Variants in SUGCT observed in about 807,000 individuals in gnomAD.
SUGCT encodes succinyl-CoA:glutarate CoA-transferase.
SUGCT carries 41 observed loss-of-function variants against 55.0 expected under a neutral mutation model. That is an observed-to-expected ratio of 0.74 (90% CI 0.58 to 0.97). The LOEUF (loss-of-function observed/expected upper bound fraction) is 0.97. Ranked by LOEUF, SUGCT falls within the 50% of genes least tolerant of loss-of-function variation. The pLI, the probability that SUGCT is intolerant of heterozygous loss-of-function variation, is 0.00. For synonymous variants in SUGCT, 187 were observed against 200.4 expected (o/e 0.93, Z 0.56); for missense variants, 568 against 547.8 (o/e 1.04, Z -0.37).
At chr7:40,609,808 A>G (rs1183409517) in intron 12 of SUGCT, among the ~76,000 whole-genome samples, 1 of 152,180 alleles carries the variant, frequency 6.6e-6, no homozygotes, top group African/African-American at 2.4e-5. Flanking sequence ...TGAGTTCTTG[A>G]TAAGTCGACA....
intron 1 of SUGCT, among the ~76,000 whole-genome samples, chr7:40,142,652 C>T (rs1303013128): frequency 2.6e-5 from 4 of 152,156 alleles, no homozygotes; most frequent in Admixed American, 2.6e-4. Context: ...AGTCATTTAC[C>T]CCTGAGTTGT....
At chr7:41,002,857 C>A in the SUGCT span, among the ~76,000 whole-genome samples, 1 of 152,032 alleles carries the variant, frequency 6.6e-6, no homozygotes, top group African/African-American at 2.4e-5. Flanking sequence ...GTTGCAGATC[C>A]TGGCAATTAG....
intron 9 of SUGCT, among the ~76,000 whole-genome samples, chr7:40,363,350 G>T (rs1309775611): frequency 2.6e-5 from 4 of 152,008 alleles, no homozygotes; most frequent in African/African-American, 9.7e-5. Context: ...CTTGCCTTCT[G>T]CTAGCTTTTG....
At chr7:41,019,386 G>A in the SUGCT span, among the ~76,000 whole-genome samples, 1 of 152,262 alleles carries the variant, frequency 6.6e-6, no homozygotes, top group East Asian at 1.9e-4. Flanking sequence ...TGGCTCTCCT[G>A]ACCCTGATCC....
In SUGCT at chr7:40,188,551, T is replaced by C. The variant is rs1194329186; in HGVS notation, c.283T>C (p.Tyr95His). ...GPPFVGTEST[Y>H]YLSVNRNKKS... is the part of the protein sequence containing the mutation. Reference sequence around the variant, plus strand: ...ACCTTTTGTTGGGACAGAAAGTACATATTATCTCAGTGTTAACCGAAATAA... The same window carrying C: ...ACCTTTTGTTGGGACAGAAAGTACACATTATCTCAGTGTTAACCGAAATAA... Residue 95 changes from tyrosine to histidine, a missense_variant, in exon 4 of 14, where the codon TAT becomes CAT. Tyr to His is a moderately conservative substitution (Grantham distance 83, BLOSUM62 2). Coordinates refer to ENST00000335693, the MANE Select transcript of SUGCT (RefSeq NM_001193313.2). 5.6e-6 allele frequency: 9 copies of C among 1,607,376 alleles called. No homozygotes were observed. Among genetic ancestry groups the C allele is most frequent in the Non-Finnish European group, 7.6e-6 (9 of 1,177,722 alleles).
chr7:40,630,009 C>T (rs1005768993), intron 12 of SUGCT, among the ~76,000 whole-genome samples: 2 of 152,160 alleles, frequency 1.3e-5, no homozygotes, highest in African/African-American at 4.8e-5. Context: ...TTGGGGATTA[C>T]CAGCCTGTAT....
At chr7:40,385,430 A>G (rs545547835) in intron 9 of SUGCT, among the ~76,000 whole-genome samples, 1 of 152,290 alleles carries the variant, frequency 6.6e-6, no homozygotes, top group East Asian at 1.9e-4. Context: ...GAGTACTTTA[A>G]GTATAGTGCC....
chr7:40,261,478 T>C (rs1791218173), intron 7 of SUGCT, among the ~76,000 whole-genome samples: 1 of 152,182 alleles, frequency 6.6e-6, no homozygotes, highest in African/African-American at 2.4e-5. Context: ...CTAACATGTA[T>C]CCCAACATAT....
chr7:40,970,245 C>T, the SUGCT span, among the ~76,000 whole-genome samples: 1 of 152,116 alleles, frequency 6.6e-6, no homozygotes, highest in South Asian at 2.1e-4. Flanking sequence ...GATGTCAACT[C>T]ACTGCAATCT....
At chr7:40,149,795 T>G (rs1330530770) in intron 1 of SUGCT, among the ~76,000 whole-genome samples, 2 of 152,164 alleles carry the variant, frequency 1.3e-5, no homozygotes, top group African/African-American at 4.8e-5. Context: ...GGCAGGCGCC[T>G]GTAATCCCAG....
intron 8 of SUGCT, among the ~76,000 whole-genome samples, chr7:40,299,757 A>G (rs1453929617): frequency 6.6e-6 from 1 of 152,154 alleles, no homozygotes; most frequent in Non-Finnish European, 1.5e-5. Flanking sequence ...CAATTTTGCT[A>G]TTTTATAGTC....
chr7:40,226,787 A>G (rs1264524564), intron 6 of SUGCT, among the ~76,000 whole-genome samples: 5 of 152,012 alleles, frequency 3.3e-5, no homozygotes, highest in Admixed American at 6.6e-5. Context: ...TTTTAGACAT[A>G]CAAAATGAAA....
In SUGCT at chr7:40,444,951, C is replaced by T. The variant is rs140000176; in HGVS notation, c.817-4336C>T. ...AGCATGAAGCGCTGTTGAATTTTGTCGAAAGCCTTTTCTGCATCTATGGAG... is the reference window on the plus strand; with the variant it reads ...AGCATGAAGCGCTGTTGAATTTTGTTGAAAGCCTTTTCTGCATCTATGGAG... On this transcript the variant is annotated intron_variant, in intron 9 of 13. Coordinates refer to ENST00000335693, the MANE Select transcript of SUGCT (RefSeq NM_001193313.2). Among the ~76,000 whole-genome samples, 778 of 152,216 alleles carry T rather than the reference C, an allele frequency of 5.1e-3. 6 individuals are homozygous for T. The highest frequency in any genetic ancestry group is 0.018 in the African/African-American group (730 of 41,538).
At chr7:40,230,817 G>A (rs556953803) in intron 6 of SUGCT, among the ~76,000 whole-genome samples, 2 of 152,248 alleles carry the variant, frequency 1.3e-5, no homozygotes, top group South Asian at 4.1e-4. Flanking sequence ...TTTTATTTAA[G>A]GACCCAGACT....
chr7:40,188,632 C>T lies in SUGCT; in HGVS notation c.312+52C>T. ...TTTGTGTGTAATTCTCTTATAATAG[C>T]AAAACTGTTGATATCATTGTGGCTT... On this transcript the variant is annotated intron_variant, in intron 4 of 13. Transcript: ENST00000335693. The T allele has an allele frequency of 2.6e-6, 3 of 1,167,872 alleles. No homozygotes were observed. In the South Asian group the frequency reaches 4.3e-5, roughly 17 times the overall value. 72.3% of individuals were successfully genotyped at this position (1,167,872 alleles called of 1,614,324 possible). A position where few individuals can be genotyped will look rare whatever the true frequency, so the allele number is the denominator to read the frequency against.
At chr7:40,767,493 A>G (rs1239249052) in intron 13 of SUGCT, among the ~76,000 whole-genome samples, 2 of 152,170 alleles carry the variant, frequency 1.3e-5, no homozygotes, top group African/African-American at 2.4e-5. Flanking sequence ...TAGTTGCCTA[A>G]TTAGGATGGA....
intron 8 of SUGCT, among the ~76,000 whole-genome samples, chr7:40,279,186 CAGAATCTT>C (rs1461386188): frequency 6.6e-6 from 1 of 152,034 alleles, no homozygotes; most frequent in African/African-American, 2.4e-5. Context: ...CAAAAAGTTT[CAGAATCTT>C]ACAGTAGTTC....
At chr7:40,979,015 T>C in the SUGCT span, among the ~76,000 whole-genome samples, 1 of 152,204 alleles carries the variant, frequency 6.6e-6, no homozygotes, top group African/African-American at 2.4e-5. Context: ...CTCAGCCTCA[T>C]AATGTACCTT....
chr7:40,450,047 G>A (rs1379633961), intron 10 of SUGCT, among the ~76,000 whole-genome samples: 1 of 152,080 alleles, frequency 6.6e-6, no homozygotes, highest in Non-Finnish European at 1.5e-5. Flanking sequence ...TCCTGCCTCA[G>A]CCTCCAGAGG....
Sources: allele counts gnomAD v4.1 joint callset (sites outside exome capture counted in the v4.1 genomes callset), GRCh38; gene constraint gnomAD v4.1.1; transcripts MANE v1.5; gene names NCBI Gene and HGNC (gene_info 2026-07-23, HGNC 2026-07-21).